The following MARCHF3 variants were observed in gnomAD, a reference collection of about 807,000 sequenced individuals.
MARCHF3 encodes the protein membrane associated ring-CH-type finger 3.
A neutral mutation model predicts 24.2 loss-of-function variants in MARCHF3; 13 were observed. The ratio of observed to expected loss-of-function variants is 0.54; its 90% CI spans 0.35 to 0.85. The LOEUF (loss-of-function observed/expected upper bound fraction) is 0.85. Among genes scored for constraint, MARCHF3 ranks in the 40% least tolerant of loss-of-function variants. The pLI, the probability that MARCHF3 is intolerant of heterozygous loss-of-function variation, is 0.01. For missense variants in MARCHF3, 276 were observed against 325.0 expected (o/e 0.85, Z 1.16); for synonymous variants, 144 against 137.3 (o/e 1.05, Z -0.34).
At chr5:126,877,232 A>C (rs1367417306) in intron 4 of MARCHF3, among the ~76,000 whole-genome samples, 1 of 152,206 alleles carries the variant, frequency 6.6e-6, no homozygotes, top group East Asian at 1.9e-4. Context: ...GGGAGGAAGT[A>C]TGTGCTAGAA....
chr5:126,949,066 A>AT (rs1313420978), intron 1 of MARCHF3, among the ~76,000 whole-genome samples: 1 of 152,234 alleles, frequency 6.6e-6, no homozygotes, highest in Non-Finnish European at 1.5e-5. Context: ...TTTGAGTAGA[A>AT]TTTTAACTTC....
At chr5:127,007,939 A>G (rs573345083) in intron 1 of MARCHF3, among the ~76,000 whole-genome samples, 1 of 152,104 alleles carries the variant, frequency 6.6e-6, no homozygotes, top group Admixed American at 6.5e-5. Context: ...TACATGCAAC[A>G]TGCTACAGAC....
chr5:126,943,061 G>A (rs953686680), intron 1 of MARCHF3, among the ~76,000 whole-genome samples: 8 of 152,276 alleles, frequency 5.3e-5, no homozygotes, highest in African/African-American at 1.9e-4. Context: ...CAAGGCGGGT[G>A]GATCAGTTGA....
chr5:126,897,108 C>T (rs369929703), intron 3 of MARCHF3, among the ~76,000 whole-genome samples: 18 of 137,578 alleles, frequency 1.3e-4, no homozygotes, highest in Admixed American at 1.6e-4. Flanking sequence ...GGCACAATCT[C>T]GGCTCACTGC....
intron 1 of MARCHF3, among the ~76,000 whole-genome samples, chr5:127,024,241 G>GT (rs1752922533): frequency 6.6e-6 from 1 of 152,344 alleles, no homozygotes; most frequent in South Asian, 2.1e-4. Context: ...AAAGTTGACA[G>GT]TTGAACACTA....
At chr5:127,007,346 TAA>T (rs34412363) in intron 1 of MARCHF3, among the ~76,000 whole-genome samples, 3 of 137,040 alleles carry the variant, frequency 2.2e-5, no homozygotes, top group African/African-American at 2.7e-5. Context: ...TGCATACAAG[TAA>T]AAAAAAAAAA....
intron 3 of MARCHF3, among the ~76,000 whole-genome samples, chr5:126,882,324 G>A (rs1019987174): frequency 2.0e-5 from 3 of 152,200 alleles, no homozygotes; most frequent in Non-Finnish European, 4.4e-5. Context: ...TGAATGTTTA[G>A]TTGGCTGGCC....
intron 1 of MARCHF3, among the ~76,000 whole-genome samples, chr5:126,977,541 T>C (rs1251750855): frequency 1.3e-5 from 2 of 152,168 alleles, no homozygotes; most frequent in Admixed American, 6.5e-5. Context: ...TATGGAAAAC[T>C]GAAACAGATC....
At chr5:126,960,332 C>T (rs1333470702) in intron 1 of MARCHF3, among the ~76,000 whole-genome samples, 1 of 152,090 alleles carries the variant, frequency 6.6e-6, no homozygotes, top group African/African-American at 2.4e-5. Context: ...TGAGTTCAGG[C>T]TGTATAAATC....
intron 1 of MARCHF3, among the ~76,000 whole-genome samples, chr5:127,009,656 T>A (rs753845413): frequency 6.6e-6 from 1 of 152,146 alleles, no homozygotes; most frequent in Non-Finnish European, 1.5e-5. Context: ...TATTTTACCA[T>A]GAAACTAGAT....
At chr5:126,966,911 T>G (rs927723477) in intron 1 of MARCHF3, among the ~76,000 whole-genome samples, 3 of 63,818 alleles carry the variant, frequency 4.7e-5, no homozygotes, top group African/African-American at 2.0e-4. Flanking sequence ...GAGCCTTTTT[T>G]TTTTTTTTTT....
chr5:127,016,289 C>CA lies in MARCHF3; in HGVS notation c.-57+14060dup, dbSNP rs1407815151. 1.1e-4 allele frequency among the ~76,000 whole-genome samples: 17 copies of CA among 152,052 alleles called. No individual in the cohort carries two copies. In the South Asian group the frequency reaches 2.7e-3, roughly 24 times the overall value. ...AATGAAAAATTATGTGTATTGTACA[C>CA]AAAAAAATTTATTTTTTAAATGAAT... is the stretch of plus-strand genomic sequence containing the variant. On this transcript the variant is annotated intron_variant, in intron 1 of 4. Coordinates refer to ENST00000308660, the MANE Select transcript of MARCHF3 (RefSeq NM_178450.5).
At chr5:126,984,114 G>A (rs947769879) in intron 1 of MARCHF3, among the ~76,000 whole-genome samples, 1 of 152,074 alleles carries the variant, frequency 6.6e-6, no homozygotes, top group Non-Finnish European at 1.5e-5. Context: ...ACAATGCCTG[G>A]ATTTCCAAGG....
intron 1 of MARCHF3, among the ~76,000 whole-genome samples, chr5:126,954,882 G>T (rs1750389569): frequency 6.6e-6 from 1 of 151,938 alleles, no homozygotes; most frequent in African/African-American, 2.4e-5. Context: ...CTTTCCTAGA[G>T]AAATCCTGCC....
chr5:126,937,477 T>C (rs985383092), intron 1 of MARCHF3, among the ~76,000 whole-genome samples: 2 of 152,252 alleles, frequency 1.3e-5, no homozygotes, highest in African/African-American at 4.8e-5. Context: ...TCATTTATCA[T>C]TCCTCTTTGG....
intron 1 of MARCHF3, among the ~76,000 whole-genome samples, chr5:126,970,535 T>C (rs1458618191): frequency 6.6e-6 from 1 of 152,142 alleles, no homozygotes; most frequent in Non-Finnish European, 1.5e-5. Context: ...AGCTATGGGT[T>C]AGGAATGCTA....
intron 1 of MARCHF3, among the ~76,000 whole-genome samples, chr5:126,995,680 C>A (rs1377436434): frequency 3.3e-5 from 5 of 152,182 alleles, no homozygotes; most frequent in Admixed American, 3.3e-4. Context: ...CCATTATGTA[C>A]TGTCTCCACT....
intron 1 of MARCHF3, among the ~76,000 whole-genome samples, chr5:126,935,034 G>A (rs1007364094): frequency 3.9e-5 from 6 of 152,170 alleles, no homozygotes; most frequent in Non-Finnish European, 8.8e-5. Context: ...AGGTGATTGA[G>A]CTTTTATGAG....
At chr5:126,871,126 C>T (rs1357397942) in intron 4 of MARCHF3, among the ~76,000 whole-genome samples, 2 of 152,198 alleles carry the variant, frequency 1.3e-5, no homozygotes, top group African/African-American at 4.8e-5. Context: ...ACAATGCCAG[C>T]CCTCGCCCAG....
Sources: allele counts gnomAD v4.1 joint callset (sites outside exome capture counted in the v4.1 genomes callset), GRCh38; gene constraint gnomAD v4.1.1; transcripts MANE v1.5; gene names NCBI Gene and HGNC (gene_info 2026-07-23, HGNC 2026-07-21).